YES1: variants seen among roughly 807,000 people sequenced by gnomAD.
YES1 encodes the protein tyrosine-protein kinase Yes.
YES1 carries 39 observed loss-of-function variants against 70.4 expected under a neutral mutation model. That is an observed-to-expected ratio of 0.55 (90% CI 0.43 to 0.72). The LOEUF (loss-of-function observed/expected upper bound fraction) is 0.72, where lower values mean the gene tolerates loss of function less well. Ranked by LOEUF, YES1 falls within the 30% of genes least tolerant of loss-of-function variation. YES1 has a pLI of 0.00. For synonymous variants in YES1, 198 were observed against 218.6 expected (o/e 0.91, Z 0.83); for missense variants, 495 against 644.8 (o/e 0.77, Z 2.52).
At chr18:784,143 TAAATA>T (rs1424424106) in intron 1 of YES1, among the ~76,000 whole-genome samples, 1 of 152,216 alleles carries the variant, frequency 6.6e-6, no homozygotes, top group Non-Finnish European at 1.5e-5. Flanking sequence ...GGACAGTTAC[TAAATA>T]AAATGTCTAA....
intron 1 of YES1, among the ~76,000 whole-genome samples, chr18:779,842 T>C (rs1905565152): frequency 6.6e-6 from 1 of 152,210 alleles, no homozygotes; most frequent in Non-Finnish European, 1.5e-5. Context: ...GCACGTACTC[T>C]TCTTTAATTG....
chr18:751,805 C>A lies in YES1; in HGVS notation c.272-1G>T. On this transcript the variant is annotated splice_acceptor_variant, in intron 2 of 11. Transcript: ENST00000314574. LOFTEE classifies it high-confidence loss of function. ...AAGGCCACAAATATAGTAACACCAC[C>A]TATCAGAGGGAAAAAAGACCAAGGT... 2 of 1,552,696 alleles carry A rather than the reference C, an allele frequency of 1.3e-6. No homozygotes were observed. The highest frequency in any genetic ancestry group is 1.1e-5 in the South Asian group (1 of 88,320).
intron 1 of YES1, among the ~76,000 whole-genome samples, chr18:778,086 AAT>A (rs1465678906): frequency 1.3e-5 from 2 of 152,164 alleles, no homozygotes; most frequent in Admixed American, 1.3e-4. Flanking sequence ...AAATAATCCC[AAT>A]ATGTTACCAG....
chr18:784,547 G>A (rs4121550), intron 1 of YES1, among the ~76,000 whole-genome samples: 68,814 of 152,110 alleles, frequency 0.45, 17,542 homozygotes, highest in African/African-American at 0.7. Context: ...GAAGTCTGAC[G>A]CCGGTGTCCC....
rs374657147 is a variant in YES1, at chr18:760,340, C to G, written c.-8-3505G>C. Among the ~76,000 whole-genome samples the G allele has an allele frequency of 3.9e-5, 6 of 152,098 alleles. No homozygotes were observed. In the South Asian group the frequency reaches 1.0e-3, roughly 26 times the overall value. On this transcript the variant is annotated intron_variant, in intron 1 of 11. Transcript: ENST00000314574. ...CAAAAGTTAGCCACGTGTGGTGGTG[C>G]GCACCTGTAGTCCCCGCTACTCGGG...
At chr18:791,390 C>T (rs1209093004) in intron 1 of YES1, among the ~76,000 whole-genome samples, 3 of 152,078 alleles carry the variant, frequency 2.0e-5, no homozygotes, top group African/African-American at 7.2e-5. Flanking sequence ...GTGCTAAATA[C>T]TATCCTAAGT....
In YES1 at chr18:743,045, T is replaced by C. The variant is rs1432899408; in HGVS notation, c.933A>G (p.Thr311=). 6.2e-7 allele frequency: 1 copy of C among 1,610,416 alleles called. No homozygotes were observed. The highest frequency in any genetic ancestry group is 8.5e-7 in the Non-Finnish European group (1 of 1,179,308). Residue 311 remains threonine (T), a synonymous_variant, in exon 8 of 12, where the codon ACA becomes ACG. Coordinates refer to ENST00000314574, the MANE Select transcript of YES1 (RefSeq NM_005433.4). ...CTTGAAGGAAAGCTTCTGGCATCAT[T>C]GTACCTGGTTTTAGTGTTTTGATTG... ...KVAIKTLKPG[T]MMPEAFLQEA...
chr18:804,051 C>G (rs1906958394), intron 1 of YES1, among the ~76,000 whole-genome samples: 1 of 152,196 alleles, frequency 6.6e-6, no homozygotes, highest in African/African-American at 2.4e-5. Context: ...ATCTATTTTA[C>G]AAACCTTAAA....
chr18:774,599 G>A (rs550809389), intron 1 of YES1, among the ~76,000 whole-genome samples: 16 of 151,942 alleles, frequency 1.1e-4, no homozygotes, highest in Non-Finnish European at 1.5e-4. Flanking sequence ...GTAACCCCCC[G>A]GCCCTATTCT....
chr18:781,026 T>C (rs1195496436), intron 1 of YES1, among the ~76,000 whole-genome samples: 4 of 152,222 alleles, frequency 2.6e-5, no homozygotes, highest in Middle Eastern at 3.4e-3. Context: ...CCCAGCACTT[T>C]GGGGCCCGAG....
chr18:778,857 T>C (rs149121202), intron 1 of YES1, among the ~76,000 whole-genome samples: 13 of 152,306 alleles, frequency 8.5e-5, no homozygotes, highest in South Asian at 2.1e-4. Flanking sequence ...GCATACACTT[T>C]GTCTTGTAAA....
chr18:744,030 G>A (rs562951469), intron 6 of YES1, among the ~76,000 whole-genome samples: 1 of 148,882 alleles, frequency 6.7e-6, no homozygotes, highest in African/African-American at 2.5e-5. Context: ...TAGTAGATAT[G>A]TTAGTATATT....
chr18:788,518 C>A (rs1018376365), intron 1 of YES1, among the ~76,000 whole-genome samples: 1 of 152,050 alleles, frequency 6.6e-6, no homozygotes, highest in Non-Finnish European at 1.5e-5. Flanking sequence ...AGCACATACA[C>A]GTATGGAAGT....
rs528273335 is a variant in YES1 at position 783,445 on chromosome 18, A to G, written c.-8-26610T>C. Among the ~76,000 whole-genome samples the G allele has an allele frequency of 2.6e-5, 4 of 152,180 alleles. No homozygotes were observed. In the South Asian group the frequency reaches 8.3e-4, roughly 32 times the overall value. On this transcript the variant is annotated intron_variant, in intron 1 of 11. Transcript: ENST00000314574. Reference sequence around the variant, plus strand: ...ATAATCACATAACCTATAGCTCTAAAGGAATTAATATGAATGCAATGTTAT... The same window carrying G: ...ATAATCACATAACCTATAGCTCTAAGGGAATTAATATGAATGCAATGTTAT...
intron 1 of YES1, among the ~76,000 whole-genome samples, chr18:776,554 C>A (rs1324682631): frequency 6.6e-6 from 1 of 152,102 alleles, no homozygotes; most frequent in Non-Finnish European, 1.5e-5. Context: ...ACTTGTAAGG[C>A]ATTCTTTAAT....
intron 1 of YES1, among the ~76,000 whole-genome samples, chr18:767,704 T>C (rs1332087943): frequency 1.3e-5 from 2 of 152,090 alleles, no homozygotes; most frequent in African/African-American, 4.8e-5. Context: ...AGTTTTTTCA[T>C]TTTTATTTAT....
chr18:748,823 C>A (rs895443745), intron 3 of YES1, among the ~76,000 whole-genome samples: 6 of 151,996 alleles, frequency 3.9e-5, no homozygotes, highest in African/African-American at 1.5e-4. Context: ...AATGCTCTAA[C>A]ATTCCTGTAG....
At chr18:810,569 G>T (rs1022314192) in intron 1 of YES1, among the ~76,000 whole-genome samples, 1 of 152,120 alleles carries the variant, frequency 6.6e-6, no homozygotes, top group Admixed American at 6.5e-5. Flanking sequence ...TATATTTTAA[G>T]AGCCCTTTTA....
intron 2 of YES1, among the ~76,000 whole-genome samples, chr18:753,705 C>CA (rs2080371380): frequency 6.6e-6 from 1 of 152,124 alleles, no homozygotes; most frequent in Non-Finnish European, 1.5e-5. Context: ...AGGCTGGTCT[C>CA]AAACTCCTGA....
Sources: allele counts gnomAD v4.1 joint callset (sites outside exome capture counted in the v4.1 genomes callset), GRCh38; gene constraint gnomAD v4.1.1; transcripts MANE v1.5; gene names NCBI Gene and HGNC (gene_info 2026-07-23, HGNC 2026-07-21).